PRELID2: variants seen among roughly 807,000 people sequenced by gnomAD.
The protein encoded by PRELID2 is PRELI domain-containing protein 2.
In PRELID2, 25 loss-of-function variants were observed where a neutral mutation model predicts 28.4. That is an observed-to-expected ratio of 0.88 (90% confidence interval 0.64 to 1.23). The LOEUF (loss-of-function observed/expected upper bound fraction) is 1.23, where lower values mean the gene tolerates loss of function less well. Ranked by LOEUF, PRELID2 falls within the 50% of genes most tolerant of loss-of-function variation. The pLI is 0.00. For missense variants in PRELID2, 201 were observed against 214.4 expected, an observed-to-expected ratio of 0.94 and a Z score of 0.39; for synonymous variants, 76 against 71.6, an observed-to-expected ratio of 1.06 and a Z score of -0.31.
At chr5:145,560,155 T>C (rs548645470) in intron 1 of PRELID2, among the ~76,000 whole-genome samples, 48 of 152,324 alleles carry the variant, frequency 3.2e-4, no homozygotes, top group African/African-American at 1.1e-3. Flanking sequence ...AATGATTATA[T>C]GGGTACTCGA....
intron 1 of PRELID2, among the ~76,000 whole-genome samples, chr5:145,612,834 C>T (rs1249230235): frequency 6.6e-6 from 1 of 152,016 alleles, no homozygotes. Context: ...AAATACATAC[C>T]ACAGTTTCTT....
the PRELID2 span, among the ~76,000 whole-genome samples, chr5:145,440,035 C>T: frequency 6.6e-6 from 1 of 152,120 alleles, no homozygotes; most frequent in Non-Finnish European, 1.5e-5. Flanking sequence ...GCAGGCTATC[C>T]TCCAGTCTCC....
the PRELID2 span, among the ~76,000 whole-genome samples, chr5:145,307,448 T>G: frequency 1.3e-5 from 2 of 152,136 alleles, no homozygotes; most frequent in Admixed American, 6.5e-5. Flanking sequence ...TGTTACTCAG[T>G]GCAAAATTAA....
In PRELID2 at chr5:145,643,567, G is replaced by GA. The variant is rs1056189781; in HGVS notation, n.70+121363dup. Among the ~76,000 whole-genome samples, 102 of 152,326 alleles carry GA rather than the reference G, an allele frequency of 6.7e-4. 1 individual carries two copies. Among genetic ancestry groups the GA allele is most frequent in the African/African-American group, 2.4e-3 (99 of 41,574 alleles). On this transcript the variant is annotated intron_variant and non_coding_transcript_variant, in intron 1 of 2. Coordinates refer to the PRELID2 transcript ENST00000510259. ...ATAATATGTTCAATAGGAGTGGTGA[G>GA]AGAGGGCATTCTTGCCTTGTGCAGG...
At chr5:145,276,410 A>G in the PRELID2 span, among the ~76,000 whole-genome samples, 4 of 152,168 alleles carry the variant, frequency 2.6e-5, no homozygotes, top group Non-Finnish European at 4.4e-5. Context: ...ATTTGACAAA[A>G]GAATGACTAC....
At chr5:145,697,074 T>C (rs1179573804) in intron 1 of PRELID2, among the ~76,000 whole-genome samples, 2,111 of 113,842 alleles carry the variant, frequency 0.019, 96 homozygotes, top group African/African-American at 0.074. Context: ...TATATATATA[T>C]ATATATACAC....
At chr5:145,670,088 T>C (rs1321811001) in intron 1 of PRELID2, among the ~76,000 whole-genome samples, 1 of 152,122 alleles carries the variant, frequency 6.6e-6, no homozygotes, top group Non-Finnish European at 1.5e-5. Context: ...TAAAGAAATA[T>C]CTGAGGGTGG....
chr5:145,453,833 T>TGG, the PRELID2 span, among the ~76,000 whole-genome samples: 1 of 152,228 alleles, frequency 6.6e-6, no homozygotes, highest in South Asian at 2.1e-4. Context: ...ATGGTGTATA[T>TGG]ATGCCACATT....
At chr5:145,732,216 T>C (rs542279001) in intron 1 of PRELID2, among the ~76,000 whole-genome samples, 2 of 152,326 alleles carry the variant, frequency 1.3e-5, no homozygotes, top group Non-Finnish European at 1.5e-5. Flanking sequence ...TCTTGCTGAA[T>C]CTAGAACCAT....
chr5:145,386,372 C>A, the PRELID2 span, among the ~76,000 whole-genome samples: 1 of 152,080 alleles, frequency 6.6e-6, no homozygotes, highest in Non-Finnish European at 1.5e-5. Context: ...GATGAAGACA[C>A]AGCCAAATCA....
chr5:145,620,782 G>T (rs918825506), intron 1 of PRELID2, among the ~76,000 whole-genome samples: 1 of 151,870 alleles, frequency 6.6e-6, no homozygotes, highest in African/African-American at 2.4e-5. Flanking sequence ...AGGCTACAGT[G>T]AGCCATGGCA....
intron 1 of PRELID2, among the ~76,000 whole-genome samples, chr5:145,661,894 A>C (rs1416432521): frequency 6.6e-6 from 1 of 152,122 alleles, no homozygotes; most frequent in Non-Finnish European, 1.5e-5. Flanking sequence ...CCTGCCCTGG[A>C]GATAATAAAC....
chr5:145,532,140 C>T (rs879223791), intron 1 of PRELID2, among the ~76,000 whole-genome samples: 6 of 152,002 alleles, frequency 3.9e-5, no homozygotes, highest in African/African-American at 1.2e-4. Context: ...GTCTCTAATG[C>T]GGTGGTTAAA....
intron 5 of PRELID2, among the ~76,000 whole-genome samples, chr5:145,783,004 A>ATG (rs1198694882): frequency 2.6e-5 from 4 of 152,234 alleles, no homozygotes; most frequent in Non-Finnish European, 5.9e-5. Flanking sequence ...ACAGGGCCAG[A>ATG]GCCCAGGTCT....
chr5:145,738,925 A>C (rs1178956676), intron 1 of PRELID2, among the ~76,000 whole-genome samples: 3 of 152,218 alleles, frequency 2.0e-5, no homozygotes, highest in Admixed American at 6.5e-5. Flanking sequence ...AAAGAAAAAA[A>C]TCTTAAAAAA....
intron 1 of PRELID2, among the ~76,000 whole-genome samples, chr5:145,672,984 C>G (rs193276817): frequency 8.4e-4 from 128 of 152,242 alleles, no homozygotes; most frequent in African/African-American, 2.9e-3. Flanking sequence ...TCAGGACAAC[C>G]AAGCACCTAT....
chr5:145,244,259 C>G, the PRELID2 span, among the ~76,000 whole-genome samples: 31 of 151,960 alleles, frequency 2.0e-4, no homozygotes, highest in Non-Finnish European at 3.8e-4. Flanking sequence ...CTGGCCCCAA[C>G]TTTTTTGTAA....
chr5:145,561,115 G>T (rs761716642), intron 1 of PRELID2, among the ~76,000 whole-genome samples: 3 of 151,964 alleles, frequency 2.0e-5, no homozygotes, highest in South Asian at 2.1e-4. Flanking sequence ...GAAAGGGAAA[G>T]ATATTTAGCC....
chr5:145,662,294 G>A lies in PRELID2; in HGVS notation n.70+102637C>T, dbSNP rs1332498742. On this transcript the variant is annotated intron_variant and non_coding_transcript_variant, in intron 1 of 2. Transcript: ENST00000510259. The stretch of plus-strand genomic sequence containing the variant: ...GGAGCAAAATGATTGACTAAGACTG[G>A]ATTCGCATAAGAGAAAAACTGTCTC... Among the ~76,000 whole-genome samples the A allele has an allele frequency of 2.0e-5, 3 of 152,078 alleles. No individual in the cohort carries two copies. The East Asian group carries it at 5.8e-4, about 29-fold the overall frequency.
Sources: gnomAD v4.1 joint callset for allele counts (sites outside exome capture counted in the v4.1 genomes callset) on GRCh38, gnomAD v4.1.1 for gene constraint, MANE v1.5 for transcripts, NCBI Gene and HGNC (gene_info 2026-07-23, HGNC 2026-07-21) for gene names.